The following GMDS variants were observed in gnomAD, a reference collection of about 807,000 sequenced individuals.
The protein encoded by GMDS is GDP-mannose 4,6-dehydratase, also known as GDP-mannose 4,6 dehydratase.
A neutral mutation model predicts 49.9 loss-of-function variants in GMDS; 20 were observed. That is an observed-to-expected ratio of 0.40 (90% CI 0.28 to 0.58). GMDS has a LOEUF of 0.58. Among genes scored for constraint, GMDS ranks in the 20% least tolerant of loss-of-function variants. GMDS has a pLI of 0.42. For missense variants in GMDS, 362 were observed against 481.4 expected, an observed-to-expected ratio of 0.75 and a Z score of 2.32; for synonymous variants, 177 against 178.6, an observed-to-expected ratio of 0.99 and a Z score of 0.07.
intron 4 of GMDS, among the ~76,000 whole-genome samples, chr6:1,986,506 C>T (rs1399904397): frequency 1.3e-5 from 2 of 152,128 alleles, no homozygotes; most frequent in Non-Finnish European, 2.9e-5. Flanking sequence ...GAATTAAATA[C>T]CTAAGAAAGT....
intron 1 of GMDS, among the ~76,000 whole-genome samples, chr6:2,244,914 G>C (rs1426323559): frequency 1.3e-5 from 2 of 152,150 alleles, no homozygotes; most frequent in African/African-American, 4.8e-5. Context: ...CTTGAGCCGA[G>C]ACACATCAAG....
rs1693453359 is a variant in GMDS at position 1,624,223 on chromosome 6, C to T, written c.1065G>A (p.Val355=). 6.2e-7 allele frequency: 1 copy of T among 1,611,210 alleles called. No homozygotes were observed. Among genetic ancestry groups the T allele is most frequent in the Admixed American group, 1.7e-5 (1 of 59,998 alleles). ...WKPRVAFDEL[V]REMVHADVEL... is the part of the protein sequence containing the mutation. Reference sequence around the variant, plus strand: ...CCACGTCGGCGTGCACCATCTCCCTCACCAGCTCCTGCAACACAGGGGTGG... The same window carrying T: ...CCACGTCGGCGTGCACCATCTCCCTTACCAGCTCCTGCAACACAGGGGTGG... The change falls in exon 11 of 11, where the codon GTG becomes GTA. Residue 355 remains valine (V), a synonymous_variant. Transcript: ENST00000380815.
At chr6:1,652,062 T>G (rs1035098397) in intron 9 of GMDS, among the ~76,000 whole-genome samples, 4 of 151,606 alleles carry the variant, frequency 2.6e-5, no homozygotes. Context: ...AGAGCTAAGA[T>G]CAGAAATCTT....
At chr6:1,744,052 C>T (rs1002217686) in intron 7 of GMDS, among the ~76,000 whole-genome samples, 1 of 152,130 alleles carries the variant, frequency 6.6e-6, no homozygotes, top group Non-Finnish European at 1.5e-5. Flanking sequence ...AATCAATGAG[C>T]CAGCCTATTT....
intron 7 of GMDS, among the ~76,000 whole-genome samples, chr6:1,755,077 G>A (rs1581143193): frequency 6.6e-6 from 1 of 152,290 alleles, no homozygotes; most frequent in East Asian, 1.9e-4. Context: ...CAAACAGGAA[G>A]AGAGTAAGTC....
intron 1 of GMDS, among the ~76,000 whole-genome samples, chr6:2,141,866 C>CTCTG (rs1491191306): frequency 3.1e-3 from 13 of 4,236 alleles, no homozygotes; most frequent in African/African-American, 0.022. Flanking sequence ...GTTGTGCGTG[C>CTCTG]TCTCTCTCTC....
intron 9 of GMDS, among the ~76,000 whole-genome samples, chr6:1,665,528 A>C (rs910195201): frequency 6.6e-6 from 1 of 152,218 alleles, no homozygotes; most frequent in Non-Finnish European, 1.5e-5. Flanking sequence ...CAGAATACTT[A>C]CTTGGGGTTC....
chr6:1,683,344 C>T (rs1270084238), intron 9 of GMDS, among the ~76,000 whole-genome samples: 4 of 152,114 alleles, frequency 2.6e-5, no homozygotes, highest in Admixed American at 1.3e-4. Flanking sequence ...AGGATGGTCT[C>T]CATCTCCTGA....
chr6:1,797,866 G>A (rs1769799649), intron 7 of GMDS, among the ~76,000 whole-genome samples: 10 of 152,138 alleles, frequency 6.6e-5, no homozygotes, highest in Admixed American at 6.5e-4. Flanking sequence ...CCATGCCTTG[G>A]CATATACCAG....
rs1013656868 is a variant in GMDS, at chr6:1,778,972, C to T, written c.772-36386G>A. 6.6e-6 allele frequency among the ~76,000 whole-genome samples: 1 copy of T among 152,152 alleles called. No homozygotes were observed. Among genetic ancestry groups the T allele is most frequent in the African/African-American group, 2.4e-5 (1 of 41,436 alleles). Reference sequence around the variant, plus strand: ...CCTTCAAAGGCCTACCCCATCATCTCGCAGTGCTGGCGTGGCCTCCCATGC... The same window carrying T: ...CCTTCAAAGGCCTACCCCATCATCTTGCAGTGCTGGCGTGGCCTCCCATGC... On this transcript the variant is annotated intron_variant, in intron 7 of 10. Transcript: ENST00000380815. This position sits in a 1 kb window ranked among gnomAD's most constrained non-coding sequence, Gnocchi z 4.6.
At chr6:1,695,336 T>C (rs531120520) in intron 9 of GMDS, among the ~76,000 whole-genome samples, 3 of 152,318 alleles carry the variant, frequency 2.0e-5, no homozygotes, top group South Asian at 4.1e-4. Context: ...ATTGAAACGG[T>C]AGAATGAAAT....
intron 7 of GMDS, among the ~76,000 whole-genome samples, chr6:1,892,540 G>A (rs1441327608): frequency 6.6e-6 from 1 of 152,018 alleles, no homozygotes. Context: ...TGTATTTTTA[G>A]TAGAAATGGG....
At chr6:2,103,731 T>C (rs1243025180) in intron 4 of GMDS, among the ~76,000 whole-genome samples, 5 of 152,228 alleles carry the variant, frequency 3.3e-5, no homozygotes, top group Admixed American at 3.3e-4. Flanking sequence ...GAAAATTACC[T>C]TGGAAATTTG....
At chr6:1,636,664 C>A (rs989481508) in intron 9 of GMDS, among the ~76,000 whole-genome samples, 2 of 152,216 alleles carry the variant, frequency 1.3e-5, no homozygotes, top group African/African-American at 2.4e-5. Flanking sequence ...GAGCTCAGGG[C>A]CTAGCCTGAC....
chr6:2,093,659 C>T (rs963938067), intron 4 of GMDS, among the ~76,000 whole-genome samples: 1 of 151,686 alleles, frequency 6.6e-6, no homozygotes, highest in Non-Finnish European at 1.5e-5. Flanking sequence ...TGAAATGTTG[C>T]TTATTGCAAA....
intron 8 of GMDS, among the ~76,000 whole-genome samples, chr6:1,738,023 TACACACACCACAC>T (rs1333571201): frequency 2.6e-4 from 5 of 18,888 alleles, no homozygotes; most frequent in South Asian, 7.2e-3. Flanking sequence ...CATACACACA[TACACACACCACAC>T]ACACACACCA....
intron 9 of GMDS, among the ~76,000 whole-genome samples, chr6:1,664,305 TG>T (rs1764172299): frequency 6.6e-6 from 1 of 152,242 alleles, no homozygotes; most frequent in African/African-American, 2.4e-5. Flanking sequence ...CCCAGATTTC[TG>T]GATCATCCAA....
At chr6:2,033,741 G>A (rs1398487223) in intron 4 of GMDS, among the ~76,000 whole-genome samples, 1 of 152,140 alleles carries the variant, frequency 6.6e-6, no homozygotes, top group African/African-American at 2.4e-5. Context: ...CCTAAACTAA[G>A]TTGCACAAAG....
intron 6 of GMDS, among the ~76,000 whole-genome samples, chr6:1,932,537 CTT>C (rs1166894439): frequency 9.3e-4 from 125 of 133,934 alleles, no homozygotes; most frequent in Middle Eastern, 3.8e-3. Flanking sequence ...ATTTCTAATT[CTT>C]TTTTTTTTTT....
Sources: gnomAD v4.1 joint callset for allele counts (sites outside exome capture counted in the v4.1 genomes callset) on GRCh38, gnomAD v4.1.1 for gene constraint, Gnocchi (gnomAD v3.1) non-coding constraint, MANE v1.5 for transcripts, NCBI Gene and HGNC (gene_info 2026-07-23, HGNC 2026-07-21) for gene names.